The following ALG14 variants were observed in gnomAD, a reference collection of about 807,000 sequenced individuals.
ALG14 encodes ALG14 UDP-N-acetylglucosaminyltransferase subunit, also known as UDP-N-acetylglucosamine transferase subunit ALG14.
ALG14 carries 17 observed loss-of-function variants against 22.8 expected under a neutral mutation model. The ratio of observed to expected loss-of-function variants is 0.75; its 90% CI spans 0.51 to 1.12. The LOEUF (loss-of-function observed/expected upper bound fraction) is 1.12. Among genes scored for constraint, ALG14 ranks in the 50% most tolerant of loss-of-function variants. The pLI, the probability that ALG14 is intolerant of heterozygous loss-of-function variation, is 0.00. For synonymous variants in ALG14, 89 were observed against 103.7 expected, an observed-to-expected ratio of 0.86 and a Z score of 0.86; for missense variants, 288 against 271.8, an observed-to-expected ratio of 1.06 and a Z score of -0.42.
intron 3 of ALG14, among the ~76,000 whole-genome samples, chr1:94,993,682 T>A (rs1046909120): frequency 2.6e-5 from 4 of 152,174 alleles, no homozygotes; most frequent in Admixed American, 1.3e-4. Flanking sequence ...ACACGATGAA[T>A]AAGCCTGAGC....
rs186385450 is a variant in ALG14 at position 95,068,090 on chromosome 1, C to T, written c.137-3073G>A. On this transcript the variant is annotated intron_variant, in intron 1 of 3. Coordinates refer to ENST00000370205, the MANE Select transcript of ALG14 (RefSeq NM_144988.4). ...GTTTTGCTTTTTATCTCCCTCTATC[C>T]ATGCCTCACTAGAAGGCAAGCACCA... 1.1e-3 allele frequency among the ~76,000 whole-genome samples: 164 copies of T among 152,292 alleles called. 2 individuals carry two copies. In the South Asian group the frequency reaches 0.015, roughly 14 times the overall value.
chr1:95,047,834 G>C (rs1051681370), intron 2 of ALG14, among the ~76,000 whole-genome samples: 1 of 152,050 alleles, frequency 6.6e-6, no homozygotes, highest in Admixed American at 6.6e-5. Context: ...AAAAAAGCCA[G>C]GTGTGGTGGT....
At chr1:95,043,644 A>G (rs940280234) in intron 2 of ALG14, among the ~76,000 whole-genome samples, 6 of 152,124 alleles carry the variant, frequency 3.9e-5, no homozygotes, top group Admixed American at 6.6e-5. Flanking sequence ...GAAAGAAAAT[A>G]TAAGTCCTTC....
intron 2 of ALG14, among the ~76,000 whole-genome samples, chr1:95,055,566 A>G (rs1174321829): frequency 1.3e-5 from 2 of 152,172 alleles, no homozygotes; most frequent in African/African-American, 4.8e-5. Flanking sequence ...TCTGGATAGG[A>G]AGACATCATC....
At chr1:95,020,020 C>T (rs1048052673) in intron 3 of ALG14, among the ~76,000 whole-genome samples, 2 of 151,970 alleles carry the variant, frequency 1.3e-5, no homozygotes, top group Non-Finnish European at 2.9e-5. Context: ...GAGTTCAAGA[C>T]CAGCCTGGCC....
intron 3 of ALG14, among the ~76,000 whole-genome samples, chr1:94,998,224 C>A (rs1240762593): frequency 6.6e-6 from 1 of 152,174 alleles, no homozygotes; most frequent in Non-Finnish European, 1.5e-5. Flanking sequence ...CTGAGTCTGA[C>A]GGAGCGTTTC....
chr1:95,014,873 A>G (rs1418716674), intron 3 of ALG14, among the ~76,000 whole-genome samples: 1 of 152,224 alleles, frequency 6.6e-6, no homozygotes, highest in Non-Finnish European at 1.5e-5. Context: ...AATTCAATGA[A>G]TAGCATTTTG....
rs1258919397 is a variant in ALG14 at position 94,982,836 on chromosome 1, TAGAAA to T, written c.*235_*239del. 2.3e-5 allele frequency: 10 copies of T among 428,034 alleles called. No individual in the cohort carries two copies. Among genetic ancestry groups the T allele is most frequent in the African/African-American group, 2.0e-4 (10 of 49,382 alleles). 26.5% of individuals were successfully genotyped at this position (428,034 alleles called of 1,614,324 possible). ...GCAGGTAGTAATACATATTTTTATC[TAGAAA>T]AGAAATTTGGTTTACAGAGGCATAA... On this transcript the variant is annotated 3_prime_UTR_variant, in exon 4 of 4. Transcript: ENST00000370205.
chr1:95,042,478 A>G (rs917289782), intron 2 of ALG14, among the ~76,000 whole-genome samples: 6 of 152,190 alleles, frequency 3.9e-5, no homozygotes, highest in African/African-American at 1.4e-4. Context: ...AGGACCACCT[A>G]TGAAGTCTTC....
rs1672440104 is a variant in ALG14 at position 94,978,657 on chromosome 1, A to G, written c.*4419T>C. 6.6e-6 allele frequency: 1 copy of G among 152,150 alleles called. No homozygotes were observed. Among genetic ancestry groups the G allele is most frequent in the Admixed American group, 6.5e-5 (1 of 15,278 alleles). The allele number at this position is 152,150 out of a possible 1,614,324, so 9.4% of individuals were successfully genotyped here. On this transcript the variant is annotated 3_prime_UTR_variant, in exon 4 of 4. Transcript: ENST00000370205. ...AGACTTTGTGGGTGGGGCAAAATCT[A>G]AGTTGGGAGTGAAGTAGAAGGAGGA...
At chr1:95,058,141 C>G (rs895511129) in intron 2 of ALG14, among the ~76,000 whole-genome samples, 2 of 151,170 alleles carry the variant, frequency 1.3e-5, no homozygotes, top group South Asian at 4.2e-4. Flanking sequence ...CAAAAATTAG[C>G]TGGGCATGGT....
chr1:94,999,084 T>C (rs1672984174), intron 3 of ALG14, among the ~76,000 whole-genome samples: 1 of 152,110 alleles, frequency 6.6e-6, no homozygotes, highest in South Asian at 2.1e-4. Context: ...ACAAAACTTT[T>C]GAAACATGTC....
chr1:95,040,557 T>C (rs1674347764), intron 2 of ALG14, among the ~76,000 whole-genome samples: 1 of 151,460 alleles, frequency 6.6e-6, no homozygotes, highest in Non-Finnish European at 1.5e-5. Context: ...CCAGAATTAT[T>C]TCCTTGGGCC....
In ALG14 at chr1:94,978,400, A is replaced by G. The variant is rs1672436583; in HGVS notation, c.*4676T>C. ...TTTAATTAGTGCCTATGTTTTGTACAGAGCTGTGGTGTAAATACTATCAAA... is the reference window on the plus strand; with the variant it reads ...TTTAATTAGTGCCTATGTTTTGTACGGAGCTGTGGTGTAAATACTATCAAA... On this transcript the variant is annotated 3_prime_UTR_variant, in exon 4 of 4. Coordinates refer to ENST00000370205, the MANE Select transcript of ALG14 (RefSeq NM_144988.4). 1 of 152,210 alleles carries G rather than the reference A, an allele frequency of 6.6e-6. No individual in the cohort carries two copies. The highest frequency in any genetic ancestry group is 1.5e-5 in the Non-Finnish European group (1 of 68,028). The allele number at this position is 152,210 out of a possible 1,614,324, so 9.4% of individuals were successfully genotyped here. A position where few individuals can be genotyped will look rare whatever the true frequency, so the allele number is the denominator to read the frequency against.
chr1:95,027,087 C>T (rs768818943), intron 3 of ALG14, 42 bp downstream of exon 3: 2 of 1,607,984 alleles, frequency 1.2e-6, no homozygotes, highest in African/African-American at 1.3e-5. Context: ...GAAAGATCTA[C>T]AGGGAGTTAC....
At chr1:95,055,566 A>C (rs1174321829) in intron 2 of ALG14, among the ~76,000 whole-genome samples, 1 of 152,172 alleles carries the variant, frequency 6.6e-6, no homozygotes, top group African/African-American at 2.4e-5. Flanking sequence ...TCTGGATAGG[A>C]AGACATCATC....
intron 2 of ALG14, among the ~76,000 whole-genome samples, chr1:95,033,820 T>A (rs576083599): frequency 6.6e-6 from 1 of 152,308 alleles, no homozygotes. Flanking sequence ...GCCTCTTAAC[T>A]AGTCTCTTTG....
intron 2 of ALG14, among the ~76,000 whole-genome samples, chr1:95,055,636 A>C (rs1328539618): frequency 6.6e-6 from 1 of 152,054 alleles, no homozygotes; most frequent in African/African-American, 2.4e-5. Flanking sequence ...AAAGATATCA[A>C]CAAGATTCTT....
intron 1 of ALG14, among the ~76,000 whole-genome samples, chr1:95,070,413 G>A (rs1675521459): frequency 6.6e-6 from 1 of 152,190 alleles, no homozygotes. Flanking sequence ...ACTTCAGAGG[G>A]CAAAAGGGAA....
Sources: gnomAD v4.1 joint callset for allele counts (sites outside exome capture counted in the v4.1 genomes callset) on GRCh38, gnomAD v4.1.1 for gene constraint, MANE v1.5 for transcripts, NCBI Gene and HGNC (gene_info 2026-07-23, HGNC 2026-07-21) for gene names.